The following LAMC3 variants were observed in gnomAD, a reference collection of about 807,000 sequenced individuals.
LAMC3 encodes laminin subunit gamma 3.
Under a neutral mutation model 173.8 loss-of-function variants are expected in LAMC3, and 128 were observed. The observed-to-expected ratio is 0.74, with a 90% CI of 0.64 to 0.85. LAMC3 has a LOEUF of 0.85. Ranked by LOEUF, LAMC3 falls within the 40% of genes least tolerant of loss-of-function variation. LAMC3 has a pLI of 0.00. For missense variants in LAMC3, 2,022 were observed against 2,156.0 expected (o/e 0.94, Z 1.23); for synonymous variants, 897 against 909.1 (o/e 0.99, Z 0.24).
intron 1 of LAMC3, among the ~76,000 whole-genome samples, chr9:131,019,492 G>A (rs1265040541): frequency 6.6e-6 from 1 of 151,786 alleles, no homozygotes; most frequent in Non-Finnish European, 1.5e-5. Context: ...CTGACAGTGT[G>A]GATCACATTG....
intron 24 of LAMC3, among the ~76,000 whole-genome samples, chr9:131,084,734 T>TAAA (rs373243323): frequency 7.0e-6 from 1 of 143,522 alleles, no homozygotes; most frequent in South Asian, 2.2e-4. Context: ...CCATCTCTAC[T>TAAA]AAAAAAAAAA....
chr9:131,086,640 C>A (rs1830337262), intron 25 of LAMC3, among the ~76,000 whole-genome samples: 1 of 140,496 alleles, frequency 7.1e-6, no homozygotes, highest in African/African-American at 2.7e-5. Flanking sequence ...GTAATCCCAG[C>A]ACTTTGGGAG....
intron 1 of LAMC3, among the ~76,000 whole-genome samples, chr9:131,019,169 G>A (rs1368599415): frequency 2.0e-5 from 3 of 152,220 alleles, no homozygotes; most frequent in Non-Finnish European, 4.4e-5. Flanking sequence ...GGCTGAGGCA[G>A]GAGAATGGCT....
rs368248044 is a variant in LAMC3, at chr9:131,045,609, G to C, written c.1468G>C (p.Ala490Pro). ...CTGCTATGGCCACTCCAAGGTGTGC[G>C]CGTCCACTGCCCAGTTCCAGGTGCA... ...CFCYGHSKVC[A>P]STAQFQVHHI... The change falls in exon 8 of 28, where the codon GCG (alanine) becomes CCG (proline). Residue 490 changes from alanine to proline, a missense_variant. Physicochemically the swap from Ala to Pro is conservative, Grantham distance 27 (BLOSUM62 -1). Transcript: ENST00000361069. 3 of 1,614,162 alleles carry C rather than the reference G, an allele frequency of 1.9e-6. No individual in the cohort carries two copies. Among genetic ancestry groups the C allele is most frequent in the Admixed American group, 3.3e-5 (2 of 60,022 alleles).
At chr9:131,045,492 G>A (rs1319422093) in intron 7 of LAMC3, 32 bp from the exon 8 acceptor site, 1 of 1,612,276 alleles carries the variant, frequency 6.2e-7, no homozygotes, top group African/African-American at 1.3e-5. Flanking sequence ...GATTCACGTG[G>A]CCCTCGTGGG....
At chr9:131,077,139 G>A (rs879243296) in intron 21 of LAMC3, 48 bp from the exon 22 acceptor site, 1 of 1,609,416 alleles carries the variant, frequency 6.2e-7, no homozygotes, top group Non-Finnish European at 8.5e-7. Flanking sequence ...GACAGGGATG[G>A]GGAGGGCTAG....
At chr9:131,081,142 G>C (rs1328903432) in intron 23 of LAMC3, among the ~76,000 whole-genome samples, 1 of 152,180 alleles carries the variant, frequency 6.6e-6, no homozygotes, top group African/African-American at 2.4e-5. Flanking sequence ...TGCAGAAATG[G>C]AATCGTGTAA....
At chr9:131,069,989 G>A in intron 17 of LAMC3, 139 bp downstream of exon 17, 1 of 886,156 alleles carries the variant, frequency 1.1e-6, no homozygotes, top group Non-Finnish European at 1.8e-6. Flanking sequence ...TTCTCCCTGT[G>A]CCCACCCAGC....
chr9:131,020,846 C>G (rs966942911), intron 1 of LAMC3, among the ~76,000 whole-genome samples: 1 of 152,158 alleles, frequency 6.6e-6, no homozygotes, highest in Admixed American at 6.5e-5. Context: ...ATTTTTCCCC[C>G]CCAAATACAT....
In LAMC3 at chr9:131,085,708, C is replaced by T; in HGVS notation, c.4215C>T (p.Ala1405=). The T allele has an allele frequency of 1.2e-6, 2 of 1,614,166 alleles. No homozygotes were observed. The highest frequency in any genetic ancestry group is 1.7e-6 in the Non-Finnish European group (2 of 1,180,030). Residue 1405 remains alanine, a synonymous_variant, in exon 25 of 28, where the codon GCC becomes GCT. Coordinates refer to ENST00000361069, the MANE Select transcript of LAMC3 (RefSeq NM_006059.4). ...AGGGCAGAGAAGCAGAGGTGTTGGC[C>T]AAGGACAGTGCCAAGGTCAGGGTGG... ...KKKGREAEVL[A]KDSAKLAKAL... is the part of the protein sequence containing the mutation.
At chr9:131,079,359 T>C in intron 23 of LAMC3, 61 bp downstream of exon 23, 1 of 1,600,186 alleles carries the variant, frequency 6.2e-7, no homozygotes, top group Non-Finnish European at 8.5e-7. Flanking sequence ...CTGAAGGTGA[T>C]CCAGGGTCAG....
chr9:131,009,508 C>A lies in LAMC3; in HGVS notation c.294C>A (p.Asp98Glu). The A allele has an allele frequency of 6.4e-7, 1 of 1,553,264 alleles. No homozygotes were observed. The highest frequency in any genetic ancestry group is 8.7e-7 in the Non-Finnish European group (1 of 1,148,684). The change falls in exon 1 of 28, where the codon GAC (aspartate) becomes GAA (glutamate). Residue 98 changes from aspartate to glutamate, a missense_variant. Transcript: ENST00000361069. The surrounding 1 kb of genome is among the most constrained non-coding windows in gnomAD (Gnocchi z 4.3). ...ACCTCACCGACTTCCACAGCCAGGA[C>A]GAGAGCACCTGGTGGCAGAGCCCGT... ...ASYLTDFHSQDESTWWQSPSM... is the reference protein window; with the variant it reads ...ASYLTDFHSQEESTWWQSPSM...
rs34334770 is a variant in LAMC3 at position 131,029,943 on chromosome 9, C to CTTT, written c.679-2087_679-2085dup. ...TTCAGTGGGGATTGCCCTAAAATGA[C>CTTT]TTTTTTTTTTTTTTTTTGAGACAGT... On this transcript the variant is annotated intron_variant, in intron 2 of 27. Coordinates refer to ENST00000361069, the MANE Select transcript of LAMC3 (RefSeq NM_006059.4). This position sits in a 1 kb window ranked among gnomAD's most constrained non-coding sequence, Gnocchi z 4.6. Among the ~76,000 whole-genome samples, 2 of 139,138 alleles carry CTTT rather than the reference C, an allele frequency of 1.4e-5. No individual in the cohort carries two copies. Among genetic ancestry groups the CTTT allele is most frequent in the African/African-American group, 2.7e-5 (1 of 37,018 alleles). 91.3% of individuals were successfully genotyped at this position (139,138 alleles called of 152,430 possible). A position where few individuals can be genotyped will look rare whatever the true frequency, so the allele number is the denominator to read the frequency against.
At chr9:131,052,433 C>A (rs529865552) in intron 9 of LAMC3, 58 bp from the exon 10 acceptor site, 4 of 1,401,598 alleles carry the variant, frequency 2.9e-6, no homozygotes, top group Admixed American at 3.4e-5. Context: ...TCAACATAGA[C>A]ATTTAAAATC....
chr9:131,039,026 G>A lies in LAMC3; in HGVS notation c.1139G>A (p.Cys380Tyr), dbSNP rs1242337882. ...TATCACTGGGACCCGCGGATGCCAT[G>A]CCAGCCCTGTGACTGCCAGTCGGCA... ...NFYHWDPRMP[C>Y]QPCDCQSAGS... Residue 380 changes from cysteine to tyrosine, a missense_variant, in exon 5 of 28, where the codon TGC (cysteine) becomes TAC (tyrosine). Physicochemically the swap from Cys to Tyr is radical, Grantham distance 194 (BLOSUM62 -2). Coordinates refer to ENST00000361069, the MANE Select transcript of LAMC3 (RefSeq NM_006059.4). The A allele has an allele frequency of 3.7e-6, 6 of 1,613,496 alleles. No individual in the cohort carries two copies. Among genetic ancestry groups the A allele is most frequent in the Non-Finnish European group, 5.1e-6 (6 of 1,179,984 alleles).
At chr9:131,059,857 G>T (rs1466622446) in intron 12 of LAMC3, among the ~76,000 whole-genome samples, 1 of 152,240 alleles carries the variant, frequency 6.6e-6, no homozygotes, top group Admixed American at 6.5e-5. Flanking sequence ...GGCTGGGACA[G>T]TTCCCCCTGG....
chr9:131,087,761 C>T lies in LAMC3; in HGVS notation c.4421C>T (p.Ser1474Leu), dbSNP rs1321188909. 3 of 1,614,136 alleles carry T rather than the reference C, an allele frequency of 1.9e-6. No individual in the cohort carries two copies. Among genetic ancestry groups the T allele is most frequent in the South Asian group, 2.2e-5 (2 of 91,076 alleles). The change falls in exon 27 of 28, where the codon TCG becomes TTG. Residue 1474 changes from serine to leucine, a missense_variant. Transcript: ENST00000361069. ...GAGATGGAGCAGCAGATCCGGGAAT[C>T]GCGTATCTCACTGGAGAAGGACATC... ...LSEMEQQIRE[S>L]RISLEKDIET...
At position 131,067,065 on chromosome 9, in the gene LAMC3, C is replaced by G. The variant is rs374853951; in HGVS notation, c.2453C>G (p.Pro818Arg). ...TGCCAGTGTAGCGGGAACGTGGACC[C>G]CAATGCCGTGGGCAACTGTGACCCC... ...HQCQCSGNVD[P>R]NAVGNCDPLS... Residue 818 changes from proline (P) to arginine (R), a missense_variant, in exon 14 of 28, where the codon CCC (proline) becomes CGC (arginine). Pro to Arg is a moderately radical substitution (Grantham distance 103, BLOSUM62 -2). Coordinates refer to ENST00000361069, the MANE Select transcript of LAMC3 (RefSeq NM_006059.4). 1.2e-6 allele frequency: 2 copies of G among 1,614,004 alleles called. No individual in the cohort carries two copies. The highest frequency in any genetic ancestry group is 1.7e-6 in the Non-Finnish European group (2 of 1,180,024).
intron 12 of LAMC3, among the ~76,000 whole-genome samples, chr9:131,059,298 C>T (rs1829758823): frequency 6.6e-6 from 1 of 151,752 alleles, no homozygotes; most frequent in African/African-American, 2.4e-5. Flanking sequence ...CGAGACCATC[C>T]TGGCTAACAC....
Sources: gnomAD v4.1 joint callset for allele counts (sites outside exome capture counted in the v4.1 genomes callset) on GRCh38, gnomAD v4.1.1 for gene constraint, Gnocchi (gnomAD v3.1) non-coding constraint, MANE v1.5 for transcripts, NCBI Gene and HGNC (gene_info 2026-07-23, HGNC 2026-07-21) for gene names.